The following VWA3B variants were observed in gnomAD, a reference collection of about 807,000 sequenced individuals.
The protein encoded by VWA3B is von Willebrand factor A domain-containing protein 3B.
In VWA3B, 138 loss-of-function variants were observed where a neutral mutation model predicts 158.3. That is an observed-to-expected ratio of 0.87 (90% confidence interval 0.76 to 1.00). The LOEUF is 1.00. Ranked by LOEUF, VWA3B falls within the 50% of genes least tolerant of loss-of-function variation. VWA3B has a pLI of 0.00. For synonymous variants in VWA3B, 596 were observed against 587.3 expected (o/e 1.01, Z -0.21); for missense variants, 1,555 against 1,565.1 (o/e 0.99, Z 0.11).
intron 7 of VWA3B, among the ~76,000 whole-genome samples, chr2:98,140,453 C>T (rs1361778303): frequency 6.6e-6 from 1 of 152,212 alleles, no homozygotes; most frequent in East Asian, 1.9e-4. Context: ...AGCTGTCCTT[C>T]CCCTTGGCTT....
At chr2:98,218,596 A>G (rs973925162) in intron 14 of VWA3B, among the ~76,000 whole-genome samples, 3 of 152,252 alleles carry the variant, frequency 2.0e-5, no homozygotes, top group African/African-American at 7.2e-5. Flanking sequence ...AAAGCAATTT[A>G]TTCTAATAGG....
intron 23 of VWA3B, among the ~76,000 whole-genome samples, chr2:98,295,269 A>G (rs1453090288): frequency 6.6e-6 from 1 of 152,148 alleles, no homozygotes; most frequent in Non-Finnish European, 1.5e-5. Flanking sequence ...CGGGCTTTGT[A>G]TATCGGAAGG....
intron 7 of VWA3B, among the ~76,000 whole-genome samples, chr2:98,134,517 G>T (rs965216660): frequency 5.9e-5 from 9 of 152,146 alleles, no homozygotes; most frequent in African/African-American, 2.2e-4. Flanking sequence ...ACAGTGGAAG[G>T]TTACTCAGAA....
the VWA3B span, among the ~76,000 whole-genome samples, chr2:98,329,734 C>T: frequency 6.6e-6 from 1 of 152,142 alleles, no homozygotes; most frequent in South Asian, 2.1e-4. Context: ...TGACGTTAAA[C>T]AAGGGAAGCT....
intron 21 of VWA3B, among the ~76,000 whole-genome samples, chr2:98,269,921 T>G (rs975772108): frequency 6.6e-6 from 1 of 152,224 alleles, no homozygotes; most frequent in Non-Finnish European, 1.5e-5. Flanking sequence ...ACTGTTCTCT[T>G]CCAAAATCCA....
intron 2 of VWA3B, among the ~76,000 whole-genome samples, chr2:98,114,199 C>T (rs1674355676): frequency 6.6e-6 from 1 of 152,190 alleles, no homozygotes; most frequent in African/African-American, 2.4e-5. Context: ...ATTTCAATTC[C>T]CAATACAGCT....
chr2:98,315,746 G>A (rs1691072454), downstream of VWA3B, among the ~76,000 whole-genome samples: 1 of 152,106 alleles, frequency 6.6e-6, no homozygotes, highest in South Asian at 2.1e-4. Flanking sequence ...TCAATTAGAG[G>A]AATAATAATT....
chr2:98,320,964 G>C, the VWA3B span, among the ~76,000 whole-genome samples: 1 of 152,204 alleles, frequency 6.6e-6, no homozygotes, highest in East Asian at 1.9e-4. Flanking sequence ...CACAGGCCTA[G>C]AGGCGTAGGA....
At chr2:98,188,820 G>T (rs1288689049) in intron 10 of VWA3B, among the ~76,000 whole-genome samples, 2 of 152,150 alleles carry the variant, frequency 1.3e-5, no homozygotes, top group Non-Finnish European at 2.9e-5. Flanking sequence ...GGTGGGGGTT[G>T]TTTGGATTCA....
Position 98,194,350 on chromosome 2 carries a change from G to A in VWA3B, c.1606-11G>A. 5 of 1,611,344 alleles carry A rather than the reference G, an allele frequency of 3.1e-6. No individual in the cohort carries two copies. The highest frequency in any genetic ancestry group is 4.2e-6 in the Non-Finnish European group (5 of 1,177,922). On this transcript the variant is annotated splice_polypyrimidine_tract_variant and intron_variant, in intron 11 of 27. Coordinates refer to ENST00000477737, the MANE Select transcript of VWA3B (RefSeq NM_144992.5). The stretch of plus-strand genomic sequence containing the variant: ...GTGGTTTTATGGTTAAATAATCATT[G>A]TCTCTTTTAGGAACAGCTGAAATAT...
intron 8 of VWA3B, among the ~76,000 whole-genome samples, chr2:98,164,862 C>T (rs1678934215): frequency 6.6e-6 from 1 of 152,186 alleles, no homozygotes; most frequent in Admixed American, 6.5e-5. Context: ...TAAACCAAAG[C>T]ATTTTTCATA....
chr2:98,284,714 T>C (rs1296075978), intron 22 of VWA3B, among the ~76,000 whole-genome samples: 1 of 152,182 alleles, frequency 6.6e-6, no homozygotes, highest in East Asian at 1.9e-4. Context: ...GAGCATTTGA[T>C]GGTCTGAAAA....
the VWA3B span, among the ~76,000 whole-genome samples, chr2:98,326,290 A>G: frequency 6.6e-6 from 1 of 152,230 alleles, no homozygotes. Context: ...TGAAAATTCA[A>G]AAATGAAGAT....
chr2:98,304,214 G>A (rs1290261450), intron 26 of VWA3B, among the ~76,000 whole-genome samples: 1 of 152,184 alleles, frequency 6.6e-6, no homozygotes, highest in South Asian at 2.1e-4. Context: ...AGGGGCGGTG[G>A]CTTCCAGGGG....
chr2:98,265,800 A>G (rs374107470), intron 21 of VWA3B, among the ~76,000 whole-genome samples: 1 of 146,022 alleles, frequency 6.8e-6, no homozygotes, highest in African/African-American at 2.6e-5. Flanking sequence ...GCCAGTGATG[A>G]TGAGCATTTT....
the VWA3B span, among the ~76,000 whole-genome samples, chr2:98,320,684 T>A: frequency 2.0e-5 from 3 of 152,318 alleles, no homozygotes; most frequent in African/African-American, 7.2e-5. Flanking sequence ...TCTAGAGATC[T>A]GTGGAACTTT....
In VWA3B at chr2:98,196,181, T is replaced by A. The variant is rs564634385; in HGVS notation, c.1737+1689T>A. Among the ~76,000 whole-genome samples, 13 of 152,230 alleles carry A rather than the reference T, an allele frequency of 8.5e-5. No individual in the cohort carries two copies. The South Asian group carries it at 2.7e-3, about 32-fold the overall frequency. ...CGTAGTTTCAGTTAGACAGGAGGAA[T>A]AAGTTCTGGAGCTCTATTGTACAAC... On this transcript the variant is annotated intron_variant, in intron 12 of 27. Coordinates refer to ENST00000477737, the MANE Select transcript of VWA3B (RefSeq NM_144992.5).
At chr2:98,197,591 T>C (rs7574579) in intron 12 of VWA3B, among the ~76,000 whole-genome samples, 40,494 of 152,098 alleles carry the variant, frequency 0.27, 6,833 homozygotes, top group South Asian at 0.49. Context: ...AGATTTCCCT[T>C]TCCCCCTTTT....
the VWA3B span, among the ~76,000 whole-genome samples, chr2:98,327,709 G>A: frequency 3.9e-5 from 6 of 152,294 alleles, no homozygotes; most frequent in African/African-American, 1.4e-4. Context: ...ACCTCTGTGT[G>A]TTGGTCTCTA....
Sources: allele counts gnomAD v4.1 joint callset (sites outside exome capture counted in the v4.1 genomes callset), GRCh38; gene constraint gnomAD v4.1.1; transcripts MANE v1.5; gene names NCBI Gene and HGNC (gene_info 2026-07-23, HGNC 2026-07-21).